DNAH14: variants seen among roughly 807,000 people sequenced by gnomAD.
DNAH14 encodes axonemal beta dynein heavy chain 14.
DNAH14 carries 478 observed loss-of-function variants against 520.9 expected under a neutral mutation model. The ratio of observed to expected loss-of-function variants is 0.92; its 90% CI spans 0.85 to 0.99. The LOEUF is 0.99. DNAH14 is among the 50% of genes least tolerant of loss of function. The pLI is 0.00. For synonymous variants in DNAH14, 1,581 were observed against 1,757.2 expected (o/e 0.90, Z 2.51); for missense variants, 4,831 against 5,234.5 (o/e 0.92, Z 2.38).
chr1:225,272,924 T>TA (rs747203629), intron 51 of DNAH14, 31 bp from the exon 52 acceptor site: 80 of 1,489,314 alleles, frequency 5.4e-5, no homozygotes, highest in African/African-American at 3.0e-4. Flanking sequence ...TAATTTTTTT[T>TA]AAAAAAACGT....
chr1:225,243,704 G>T (rs2092106793), intron 43 of DNAH14, among the ~76,000 whole-genome samples: 1 of 151,966 alleles, frequency 6.6e-6, no homozygotes, highest in Non-Finnish European at 1.5e-5. Context: ...AGAGGAGCTG[G>T]TACTAAGACA....
chr1:225,060,407 C>A (rs557819113), intron 17 of DNAH14, among the ~76,000 whole-genome samples: 22 of 152,138 alleles, frequency 1.4e-4, no homozygotes, highest in African/African-American at 4.8e-4. Context: ...TTCTAGTTAG[C>A]CATTTGTCTA....
intron 22 of DNAH14, among the ~76,000 whole-genome samples, chr1:225,098,823 G>T (rs1009241769): frequency 6.6e-6 from 1 of 152,104 alleles, no homozygotes; most frequent in African/African-American, 2.4e-5. Flanking sequence ...TCACTAAATT[G>T]TTCCTTTATA....
chr1:225,205,113 A>AT (rs2087360841), intron 39 of DNAH14, among the ~76,000 whole-genome samples: 1 of 151,996 alleles, frequency 6.6e-6, no homozygotes, highest in Non-Finnish European at 1.5e-5. Context: ...TGACCAATGG[A>AT]TTTTCTAAAA....
chr1:225,331,818 G>A (rs969942898), intron 65 of DNAH14, among the ~76,000 whole-genome samples: 3 of 152,160 alleles, frequency 2.0e-5, no homozygotes, highest in African/African-American at 4.8e-5. Flanking sequence ...ACATCAGCAC[G>A]CTTTTCTCTG....
intron 27 of DNAH14, among the ~76,000 whole-genome samples, chr1:225,126,853 A>G (rs2077765727): frequency 6.6e-6 from 1 of 151,884 alleles, no homozygotes; most frequent in African/African-American, 2.4e-5. Flanking sequence ...TTAATGCTAT[A>G]AATTTCCCTC....
Position 225,316,990 on chromosome 1 carries a change from A to T in DNAH14, c.9241-1593A>T, listed in dbSNP as rs192657137. ...GTTTCTTTCAACTTTCTAAGTTATT[A>T]TTGACAATGACATGAATATTTTATA... On this transcript the variant is annotated intron_variant, in intron 60 of 85. Coordinates refer to ENST00000682510, the MANE Select transcript of DNAH14 (RefSeq NM_001367479.1). Among the ~76,000 whole-genome samples, 262 of 152,332 alleles carry T rather than the reference A, an allele frequency of 1.7e-3. 3 individuals are homozygous for T. In the South Asian group the frequency reaches 0.023, roughly 14 times the overall value.
chr1:225,300,903 G>A lies in DNAH14; in HGVS notation c.8504G>A (p.Ser2835Asn), dbSNP rs1241263002. 6.4e-7 allele frequency: 1 copy of A among 1,551,160 alleles called. No individual in the cohort carries two copies. Among genetic ancestry groups the A allele is most frequent in the South Asian group, 1.2e-5 (1 of 83,948 alleles). The change falls in exon 56 of 86, where the codon AGT (serine) becomes AAT (asparagine). Residue 2835 changes from serine to asparagine, a missense_variant. Physicochemically the swap from Ser to Asn is conservative, Grantham distance 46. Transcript: ENST00000682510. ...TTAGAAGATTTGAACTACATCATCA[G>A]TTCAGGAAGAATACCTGACCTGTTT... Reference protein sequence around the residue: ...SFLEDLNYIISSGRIPDLFEN... With the variant: ...SFLEDLNYIINSGRIPDLFEN...
chr1:225,354,242 G>C (rs1198427816), intron 73 of DNAH14: 1 of 701,826 alleles, frequency 1.4e-6, no homozygotes, highest in Non-Finnish European at 2.6e-6. Flanking sequence ...TGTAGGGAGA[G>C]GCCAATGGCT....
intron 64 of DNAH14, among the ~76,000 whole-genome samples, chr1:225,325,233 C>G (rs1384402400): frequency 6.6e-6 from 1 of 151,488 alleles, no homozygotes; most frequent in Admixed American, 6.6e-5. Flanking sequence ...GCCTGTAATC[C>G]CAGCACTTTG....
intron 66 of DNAH14, among the ~76,000 whole-genome samples, chr1:225,335,678 TATATACGC>T (rs2094975444): frequency 2.1e-5 from 2 of 95,250 alleles, no homozygotes; most frequent in South Asian, 3.6e-4. Context: ...TGCATATATG[TATATACGC>T]ATATATACAT....
chr1:225,340,199 A>T (rs909917136), intron 68 of DNAH14, among the ~76,000 whole-genome samples: 6 of 152,162 alleles, frequency 3.9e-5, no homozygotes, highest in African/African-American at 1.4e-4. Context: ...AACTTCTACT[A>T]TTTAACATTT....
intron 60 of DNAH14, among the ~76,000 whole-genome samples, chr1:225,309,337 A>T (rs2094309910): frequency 1.4e-5 from 2 of 145,854 alleles, no homozygotes; most frequent in Admixed American, 1.4e-4. Flanking sequence ...TCTTTCAGAC[A>T]TCTTTTTAAG....
intron 1 of DNAH14, among the ~76,000 whole-genome samples, chr1:224,935,682 C>T (rs1015715121): frequency 6.6e-6 from 1 of 151,870 alleles, no homozygotes; most frequent in East Asian, 1.9e-4. Flanking sequence ...AAAAAAGAAA[C>T]ATTAGATTAG....
chr1:224,971,666 A>C (rs2061509486), intron 7 of DNAH14, among the ~76,000 whole-genome samples: 1 of 152,204 alleles, frequency 6.6e-6, no homozygotes, highest in Non-Finnish European at 1.5e-5. Context: ...AGAGACCTAA[A>C]TGATGAAAAA....
rs2061045096 is a variant in DNAH14 at position 224,964,625 on chromosome 1, A to G, written c.498+16A>G. The G allele has an allele frequency of 1.3e-6, 2 of 1,515,284 alleles. No homozygotes were observed. The highest frequency in any genetic ancestry group is 2.8e-5 in the South Asian group (2 of 70,282). The allele number at this position is 1,515,284 out of a possible 1,614,324, so 93.9% of individuals were successfully genotyped here. A position where few individuals can be genotyped will look rare whatever the true frequency, so the allele number is the denominator to read the frequency against. On this transcript the variant is annotated intron_variant, in intron 5 of 85. Transcript: ENST00000682510. ...TACTTTAAAGGTATTGTTCTATTTT[A>G]TTTAATTTTGATCTTTAAAAATCAA...
intron 55 of DNAH14, among the ~76,000 whole-genome samples, chr1:225,300,427 G>A (rs866880066): frequency 6.6e-6 from 1 of 152,118 alleles, no homozygotes; most frequent in Non-Finnish European, 1.5e-5. Flanking sequence ...GAATGAAAAC[G>A]TTAGTTTTAG....
rs561062055 is a variant in DNAH14 at position 225,051,544 on chromosome 1, G to A, written c.2173G>A (p.Ala725Thr). ...AAAGTATTGTACCATGACAGAAAAG[G>A]CCAAAATCATGAGTATGAAAATATC... ...FIKYCTMTEK[A>T]KIMSMKISSM... The change falls in exon 17 of 86, where the codon GCC (alanine) becomes ACC (threonine). Residue 725 changes from alanine (A) to threonine (T), a missense_variant. By Grantham distance (58) the Ala-to-Thr change is moderately conservative (BLOSUM62 0). Coordinates refer to ENST00000682510, the MANE Select transcript of DNAH14 (RefSeq NM_001367479.1). 239 of 1,550,984 alleles carry A rather than the reference G, an allele frequency of 1.5e-4. No homozygotes were observed. The East Asian group carries it at 5.8e-3, about 38-fold the overall frequency.
intron 46 of DNAH14, among the ~76,000 whole-genome samples, chr1:225,261,029 T>C (rs2092917667): frequency 6.6e-6 from 1 of 152,240 alleles, no homozygotes; most frequent in Admixed American, 6.5e-5. Context: ...TGATCAGTTC[T>C]AACAGTTTTT....
Sources: allele counts gnomAD v4.1 joint callset (sites outside exome capture counted in the v4.1 genomes callset), GRCh38; gene constraint gnomAD v4.1.1; transcripts MANE v1.5; gene names NCBI Gene and HGNC (gene_info 2026-07-23, HGNC 2026-07-21).